CLCC1: variants seen among roughly 807,000 people sequenced by gnomAD.
CLCC1 encodes the protein chloride channel CLIC like 1.
In CLCC1, 39 loss-of-function variants were observed where a neutral mutation model predicts 63.3. The observed-to-expected ratio is 0.62, with a 90% CI of 0.48 to 0.81. The LOEUF is 0.81. Among genes scored for constraint, CLCC1 ranks in the 30% least tolerant of loss-of-function variants. The probability of loss-of-function intolerance (pLI) is 0.00; values close to 1 mark genes in which losing one functional copy is unlikely to be tolerated. For synonymous variants in CLCC1, 217 were observed against 239.8 expected (o/e 0.90, Z 0.88); for missense variants, 549 against 669.4 (o/e 0.82, Z 1.98).
rs1363571734 is a variant in CLCC1 at position 108,937,291 on chromosome 1, T to A, written c.1169A>T (p.Asp390Val). 6.2e-7 allele frequency: 1 copy of A among 1,614,084 alleles called. No homozygotes were observed. The highest frequency in any genetic ancestry group is 1.3e-5 in the African/African-American group (1 of 74,934). Residue 390 changes from aspartate to valine, a missense_variant, in exon 11 of 13, where the codon GAT (aspartate) becomes GTT (valine). Transcript: ENST00000369969. ...GAAATCGGCATCACCTGCTCCACCA[T>A]CAGGTCTATAATCAATTTCCTCCTG... Reference protein sequence around the residue: ...RRQEEIDYRPDGGAGDADFHY... With the variant: ...RRQEEIDYRPVGGAGDADFHY...
intron 4 of CLCC1, among the ~76,000 whole-genome samples, chr1:108,949,489 AG>A (rs1654932246): frequency 6.6e-6 from 1 of 152,230 alleles, no homozygotes; most frequent in African/African-American, 2.4e-5. Flanking sequence ...ATTTGTTGAG[AG>A]TTTACTATGC....
At chr1:108,934,972 T>G in intron 11 of CLCC1, 30 bp from the exon 12 acceptor site, 1 of 1,556,842 alleles carries the variant, frequency 6.4e-7, no homozygotes, top group South Asian at 1.2e-5. Flanking sequence ...ATTTTAACTG[T>G]TTAATGTAAT....
At chr1:108,962,712 A>C (rs920283934) in intron 1 of CLCC1, among the ~76,000 whole-genome samples, 7 of 152,098 alleles carry the variant, frequency 4.6e-5, no homozygotes, top group Non-Finnish European at 7.4e-5. Context: ...CTACAAATAA[A>C]ATTTACAAAT....
chr1:108,955,595 A>G (rs1655784175), intron 2 of CLCC1, among the ~76,000 whole-genome samples: 1 of 151,498 alleles, frequency 6.6e-6, no homozygotes, highest in Non-Finnish European at 1.5e-5. Context: ...AGAACTGCAA[A>G]GCATTCCTTC....
chr1:108,944,150 A>T (rs1230015871), intron 5 of CLCC1, 93 bp from the exon 6 acceptor site: 1 of 877,104 alleles, frequency 1.1e-6, no homozygotes, highest in Non-Finnish European at 1.7e-6. Flanking sequence ...TTGGAACTAA[A>T]TATTAGTTTG....
At chr1:108,944,081 AAAC>A (rs1654213132) in intron 5 of CLCC1, 24 bp from the exon 6 acceptor site, 6 of 1,507,798 alleles carry the variant, frequency 4.0e-6, no homozygotes, top group Non-Finnish European at 5.4e-6. Flanking sequence ...ACCAAAAAAC[AAAC>A]AATAGAAAGA....
chr1:108,950,760 C>T (rs1386771550), intron 2 of CLCC1, among the ~76,000 whole-genome samples: 1 of 151,980 alleles, frequency 6.6e-6, no homozygotes, highest in Non-Finnish European at 1.5e-5. Flanking sequence ...ACTGATCCTC[C>T]CACCCTGGCC....
chr1:108,931,356 C>T lies in CLCC1; in HGVS notation c.*1191G>A. The T allele has an allele frequency of 6.4e-7, 1 of 1,550,950 alleles. No homozygotes were observed. Among genetic ancestry groups the T allele is most frequent in the South Asian group, 1.2e-5 (1 of 84,014 alleles). On this transcript the variant is annotated 3_prime_UTR_variant, in exon 13 of 13. Transcript: ENST00000369969. ...AAGGGGATGATAACAAAGTAACTAA[C>T]TAACTGTAGCAAAAGACAAGTATGG...
chr1:108,960,928 T>TC (rs1451579971), intron 2 of CLCC1, among the ~76,000 whole-genome samples: 1 of 151,848 alleles, frequency 6.6e-6, no homozygotes, highest in Non-Finnish European at 1.5e-5. Flanking sequence ...GCTCAAAGGA[T>TC]CCCCCTGCCC....
chr1:108,931,382 G>T lies in CLCC1; in HGVS notation c.*1165C>A. On this transcript the variant is annotated 3_prime_UTR_variant, in exon 13 of 13. Transcript: ENST00000369969. The stretch of plus-strand genomic sequence containing the variant: ...TAACTGTAGCAAAAGACAAGTATGG[G>T]ACAGACTGGGACCTGGAGTAACACT... The T allele has an allele frequency of 6.4e-7, 1 of 1,551,192 alleles. No homozygotes were observed. The highest frequency in any genetic ancestry group is 8.7e-7 in the Non-Finnish European group (1 of 1,147,136).
intron 12 of CLCC1, chr1:108,934,321 G>A (rs754426356): frequency 1.5e-4 from 32 of 219,768 alleles, no homozygotes; most frequent in Non-Finnish European, 1.9e-4. Context: ...GTGGGTTCCC[G>A]TAAGTGCCTG....
At chr1:108,941,306 C>CA (rs2101644587) in intron 8 of CLCC1, 99 bp downstream of exon 8, 2 of 1,077,350 alleles carry the variant, frequency 1.9e-6, no homozygotes, top group Non-Finnish European at 2.7e-6. Flanking sequence ...AAGATTCAGT[C>CA]ATGGAAAGCC....
rs1557892610 is a variant in CLCC1 at position 108,939,473 on chromosome 1, A to AT, written c.1041+162dup. Among the ~76,000 whole-genome samples, 5 of 151,210 alleles carry AT rather than the reference A, an allele frequency of 3.3e-5. No homozygotes were observed. The South Asian group carries it at 6.3e-4, about 19-fold the overall frequency. On this transcript the variant is annotated intron_variant, in intron 10 of 12. Transcript: ENST00000369969. Reference sequence around the variant, plus strand: ...AGGCGCCCGCCACCACGCCCGGCTAATTTTTTGTATTTTTTTTAGTAGAGA... The same window carrying AT: ...AGGCGCCCGCCACCACGCCCGGCTAATTTTTTTGTATTTTTTTTAGTAGAGA...
At chr1:108,954,031 C>T (rs1429797800) in intron 2 of CLCC1, among the ~76,000 whole-genome samples, 1 of 138,068 alleles carries the variant, frequency 7.2e-6, no homozygotes, top group Admixed American at 7.2e-5. Context: ...AAAAAAAACA[C>T]ATCCGACTGG....
At chr1:108,962,112 T>A (rs758522676) in intron 2 of CLCC1, among the ~76,000 whole-genome samples, 197 bp downstream of exon 2, 1 of 151,836 alleles carries the variant, frequency 6.6e-6, no homozygotes, top group Non-Finnish European at 1.5e-5. Context: ...GGTCTTAGAG[T>A]GGAGAGGACC....
chr1:108,937,374 A>G lies in CLCC1; in HGVS notation c.1086T>C (p.His362=). Residue 362 remains histidine, a synonymous_variant, in exon 11 of 13, where the codon CAT becomes CAC. Transcript: ENST00000369969. ...GAGKSVHVLR[H]IGGPESEPPQ... ...GAGGTTCGCTCTCAGGACCGCCTATATGTCTCAGCACATGAACTGATTTTC... is the reference window on the plus strand; with the variant it reads ...GAGGTTCGCTCTCAGGACCGCCTATGTGTCTCAGCACATGAACTGATTTTC... 3.7e-6 allele frequency: 6 copies of G among 1,613,562 alleles called. No individual in the cohort carries two copies. In the African/African-American group the frequency reaches 4.0e-5, roughly 11 times the overall value.
At chr1:108,956,972 G>A (rs1018724862) in intron 2 of CLCC1, among the ~76,000 whole-genome samples, 2 of 147,882 alleles carry the variant, frequency 1.4e-5, no homozygotes, top group African/African-American at 5.0e-5. Context: ...GAAGCCACTT[G>A]AGGCTTTTAA....
chr1:108,950,292 C>A lies in CLCC1; in HGVS notation c.129+17G>T. 2 of 1,601,940 alleles carry A rather than the reference C, an allele frequency of 1.2e-6. No individual in the cohort carries two copies. Among genetic ancestry groups the A allele is most frequent in the Non-Finnish European group, 8.5e-7 (1 of 1,173,216 alleles). On this transcript the variant is annotated intron_variant, in intron 3 of 12. Coordinates refer to ENST00000369969, the MANE Select transcript of CLCC1 (RefSeq NM_001377458.1). ...ACTGATAAGGTCTCACACACATGCA[C>A]GAATTTTTTTTAATACCTGAGATTT...
At chr1:108,948,539 TAAG>T (rs747068453) in intron 4 of CLCC1, among the ~76,000 whole-genome samples, 64 of 151,944 alleles carry the variant, frequency 4.2e-4, no homozygotes, top group Admixed American at 1.1e-3. Context: ...CACACAGACT[TAAG>T]AAGGACACTG....
Sources: allele counts gnomAD v4.1 joint callset (sites outside exome capture counted in the v4.1 genomes callset), GRCh38; gene constraint gnomAD v4.1.1; transcripts MANE v1.5; gene names NCBI Gene and HGNC (gene_info 2026-07-23, HGNC 2026-07-21).